Variants in YLPM1 observed in about 807,000 individuals in gnomAD.
The protein encoded by YLPM1 is YLP motif-containing protein 1.
Under a neutral mutation model 230.0 loss-of-function variants are expected in YLPM1, and 99 were observed. The observed-to-expected ratio is 0.43, with a 90% CI of 0.37 to 0.51. YLPM1 has a LOEUF of 0.51. Ranked by LOEUF, YLPM1 falls within the 20% of genes least tolerant of loss-of-function variation. The pLI is 0.00. For missense variants in YLPM1, 2,592 were observed against 2,707.7 expected (o/e 0.96, Z 0.95); for synonymous variants, 984 against 942.5 (o/e 1.04, Z -0.81).
intron 1 of YLPM1, among the ~76,000 whole-genome samples, chr14:74,778,016 AAG>A (rs551632308): frequency 1.1e-3 from 168 of 152,044 alleles, no homozygotes; most frequent in African/African-American, 4.0e-3. Context: ...CTTGAGGAGA[AAG>A]AGAGAAGGCA....
intron 6 of YLPM1, among the ~76,000 whole-genome samples, chr14:74,806,380 G>A (rs569294503): frequency 7.9e-5 from 12 of 152,106 alleles, no homozygotes; most frequent in African/African-American, 2.7e-4. Flanking sequence ...GAGGTCAGGA[G>A]TTCAAGACCA....
intron 1 of YLPM1, among the ~76,000 whole-genome samples, chr14:74,770,997 A>G (rs1280503893): frequency 1.3e-5 from 2 of 152,238 alleles, no homozygotes; most frequent in African/African-American, 4.8e-5. Flanking sequence ...AGCTGCTAGA[A>G]TTCACTTTGA....
chr14:74,785,624 C>T (rs1226240692), intron 4 of YLPM1, among the ~76,000 whole-genome samples: 1 of 152,130 alleles, frequency 6.6e-6, no homozygotes, highest in Non-Finnish European at 1.5e-5. Flanking sequence ...TCAGATTTTG[C>T]TATCAAACAT....
Position 74,835,956 on chromosome 14 carries a change from A to G in YLPM1, c.*218A>G. On this transcript the variant is annotated 3_prime_UTR_variant, in exon 21 of 21. Transcript: ENST00000325680. ...AAGCAAGACGTTAATTTTTCTTTTA[A>G]CTGTTTTGGGGAGGGAGGGAGTGAT... 2.2e-6 allele frequency: 1 copy of G among 449,584 alleles called. No individual in the cohort carries two copies. The highest frequency in any genetic ancestry group is 4.5e-6 in the Non-Finnish European group (1 of 224,666). 27.8% of individuals were successfully genotyped at this position (449,584 alleles called of 1,614,324 possible).
intron 4 of YLPM1, among the ~76,000 whole-genome samples, chr14:74,786,597 G>A (rs1322706329): frequency 6.6e-6 from 1 of 152,094 alleles, no homozygotes; most frequent in Non-Finnish European, 1.5e-5. Flanking sequence ...ATTATTGTGA[G>A]AGTCATCCAT....
chr14:74,824,202 T>G, intron 17 of YLPM1, 54 bp from the exon 18 acceptor site: 1 of 1,555,024 alleles, frequency 6.4e-7, no homozygotes, highest in Non-Finnish European at 8.8e-7. Flanking sequence ...AAACGTGATA[T>G]GCATGTATGT....
At chr14:74,800,405 G>A (rs543953784) in intron 5 of YLPM1, among the ~76,000 whole-genome samples, 4 of 152,190 alleles carry the variant, frequency 2.6e-5, no homozygotes, top group Non-Finnish European at 4.4e-5. Context: ...TGCTTACTCC[G>A]GGCCAGGAAC....
chr14:74,825,269 T>C (rs2091553083), intron 18 of YLPM1, among the ~76,000 whole-genome samples: 1 of 152,172 alleles, frequency 6.6e-6, no homozygotes, highest in Non-Finnish European at 1.5e-5. Context: ...ATTACATAAG[T>C]TGTGCCTTTA....
chr14:74,773,935 G>C (rs2091006010), intron 1 of YLPM1, among the ~76,000 whole-genome samples: 1 of 151,862 alleles, frequency 6.6e-6, no homozygotes, highest in Non-Finnish European at 1.5e-5. Flanking sequence ...TGGCCAGGCT[G>C]GTCTCGAACT....
In YLPM1 at chr14:74,814,065, C is replaced by T. The variant is rs180990234; in HGVS notation, c.5502+1283C>T. Among the ~76,000 whole-genome samples the T allele has an allele frequency of 6.8e-4, 104 of 152,238 alleles. 2 individuals carry two copies. The East Asian group carries it at 0.017, about 25-fold the overall frequency. On this transcript the variant is annotated intron_variant, in intron 11 of 20. Transcript: ENST00000325680. ...GAGAGAAAAAAATACAATCTTTTAC[C>T]ATTAAGAATGATGTTGCTGGGTGTG...
At chr14:74,821,027 CTTT>C (rs750279167) in intron 16 of YLPM1, 27 bp from the exon 17 acceptor site, 738 of 1,310,760 alleles carry the variant, frequency 5.6e-4, no homozygotes, top group South Asian at 2.2e-3. Context: ...TTAACTCAGT[CTTT>C]TTTTTTTTTT....
At chr14:74,802,143 G>A (rs549734570) in intron 5 of YLPM1, among the ~76,000 whole-genome samples, 23 of 151,458 alleles carry the variant, frequency 1.5e-4, no homozygotes, top group African/African-American at 5.1e-4. Context: ...ACTTGAACCC[G>A]GGAGGCAGAG....
chr14:74,822,303 T>C (rs2091527872), intron 17 of YLPM1, among the ~76,000 whole-genome samples: 1 of 152,186 alleles, frequency 6.6e-6, no homozygotes. Flanking sequence ...AAGTCTATAA[T>C]GTTTTAGCTT....
chr14:74,770,071 T>A (rs111269692), intron 1 of YLPM1, among the ~76,000 whole-genome samples: 22,202 of 150,806 alleles, frequency 0.15, 1,773 homozygotes, highest in South Asian at 0.3. Context: ...AGTCCCAACT[T>A]CTCAGGAAGC....
chr14:74,816,903 A>T (rs762362061), intron 13 of YLPM1, 28 bp from the exon 14 acceptor site: 1 of 1,532,602 alleles, frequency 6.5e-7, no homozygotes, highest in Non-Finnish European at 8.7e-7. Context: ...GCTTTTGCTA[A>T]TTCCATATCT....
intron 6 of YLPM1, among the ~76,000 whole-genome samples, chr14:74,803,156 G>A (rs2091344831): frequency 6.6e-6 from 1 of 151,516 alleles, no homozygotes. Flanking sequence ...GCCTCGTGAT[G>A]CTTCCTACCT....
intron 4 of YLPM1, among the ~76,000 whole-genome samples, chr14:74,790,008 G>T (rs1045344693): frequency 2.6e-5 from 4 of 151,810 alleles, no homozygotes; most frequent in South Asian, 2.1e-4. Flanking sequence ...GCTGACCCCT[G>T]TTCTAGATTG....
At chr14:74,806,265 G>A (rs888887988) in intron 6 of YLPM1, among the ~76,000 whole-genome samples, 5 of 152,034 alleles carry the variant, frequency 3.3e-5, no homozygotes, top group Non-Finnish European at 7.4e-5. Flanking sequence ...GCTGAGGCAG[G>A]AGAATCGCTT....
Position 74,781,548 on chromosome 14 carries a change from C to T in YLPM1, c.1505C>T (p.Ser502Leu). ...TQSYLQEKVN[S>L]FQNMKNQYMG... Reference sequence around the variant, plus strand: ...AGCTATCTCCAGGAGAAAGTCAATTCATTTCAGAACATGAAGAACCAGTAT... The same window carrying T: ...AGCTATCTCCAGGAGAAAGTCAATTTATTTCAGAACATGAAGAACCAGTAT... Residue 502 changes from serine (S) to leucine (L), a missense_variant, in exon 4 of 21, where the codon TCA becomes TTA. Physicochemically the swap from Ser to Leu is moderately radical, Grantham distance 145. Coordinates refer to ENST00000325680, the MANE Select transcript of YLPM1 (RefSeq NM_019589.3). 6.2e-7 allele frequency: 1 copy of T among 1,613,986 alleles called. No individual in the cohort carries two copies. Among genetic ancestry groups the T allele is most frequent in the Non-Finnish European group, 8.5e-7 (1 of 1,179,896 alleles).
Sources: gnomAD v4.1 joint callset for allele counts (sites outside exome capture counted in the v4.1 genomes callset) on GRCh38, gnomAD v4.1.1 for gene constraint, MANE v1.5 for transcripts, NCBI Gene and HGNC (gene_info 2026-07-23, HGNC 2026-07-21) for gene names.